The following SPHK1 variants were observed in gnomAD, a reference collection of about 807,000 sequenced individuals.
SPHK1 encodes the protein sphingosine kinase 1.
Under a neutral mutation model 14.6 loss-of-function variants are expected in SPHK1, and 10 were observed. That is an observed-to-expected ratio of 0.68 (90% CI 0.42 to 1.16). The LOEUF (loss-of-function observed/expected upper bound fraction) is 1.16. Among genes scored for constraint, SPHK1 ranks in the 50% most tolerant of loss-of-function variants. The pLI, the probability that SPHK1 is intolerant of heterozygous loss-of-function variation, is 0.00. For missense variants in SPHK1, 553 were observed against 525.4 expected, an observed-to-expected ratio of 1.05 and a Z score of -0.51; for synonymous variants, 274 against 224.0, an observed-to-expected ratio of 1.22 and a Z score of -1.99.
Position 76,385,549 on chromosome 17 carries a change from A to G in SPHK1, c.-96A>G. 1.3e-6 allele frequency: 2 copies of G among 1,540,092 alleles called. No individual in the cohort carries two copies. The highest frequency in any genetic ancestry group is 1.7e-6 in the Non-Finnish European group (2 of 1,149,682). ...CCGGCCCTGCGACGCCCGCCTGGGC[A>G]GCACCGATAAGGAGCTGAAGGCAGG... On this transcript the variant is annotated 5_prime_UTR_variant, in exon 2 of 6. Coordinates refer to ENST00000592299, the MANE Select transcript of SPHK1 (RefSeq NM_001142601.2). This position sits in a 1 kb window ranked among gnomAD's most constrained non-coding sequence, Gnocchi z 5.3.
In SPHK1 at chr17:76,385,902, G is replaced by A; in HGVS notation, c.11-83G>A. ...ATTACCGGGGTGTTTCGGGCACCAA[G>A]TTCCCACACTAGTGCCCCATTGTTA... On this transcript the variant is annotated intron_variant, in intron 2 of 5. Transcript: ENST00000592299. This position sits in a 1 kb window ranked among gnomAD's most constrained non-coding sequence, Gnocchi z 5.3. The A allele has an allele frequency of 4.6e-6, 7 of 1,507,988 alleles. No individual in the cohort carries two copies. Among genetic ancestry groups the A allele is most frequent in the Non-Finnish European group, 6.2e-6 (7 of 1,123,968 alleles). The allele number at this position is 1,507,988 out of a possible 1,614,324, so 93.4% of individuals were successfully genotyped here.
rs781752237 is a variant in SPHK1, at chr17:76,385,753, G to C, written c.10+99G>C. 7.0e-7 allele frequency: 1 copy of C among 1,433,290 alleles called. No homozygotes were observed. The highest frequency in any genetic ancestry group is 9.5e-7 in the Non-Finnish European group (1 of 1,056,254). The allele number at this position is 1,433,290 out of a possible 1,614,324, so 88.8% of individuals were successfully genotyped here. Reference sequence around the variant, plus strand: ...TGGACGAAAGGGGCTGTGGACGATCGGGAGAAACATTATCCCTCACGAGGC... The same window carrying C: ...TGGACGAAAGGGGCTGTGGACGATCCGGAGAAACATTATCCCTCACGAGGC... On this transcript the variant is annotated intron_variant, in intron 2 of 5. Transcript: ENST00000592299. This position sits in a 1 kb window ranked among gnomAD's most constrained non-coding sequence, Gnocchi z 5.3.
Position 76,385,845 on chromosome 17 carries a change from C to T in SPHK1, c.11-140C>T. The T allele has an allele frequency of 6.7e-7, 1 of 1,484,720 alleles. No homozygotes were observed. Among genetic ancestry groups the T allele is most frequent in the Admixed American group, 2.1e-5 (1 of 46,972 alleles). 92.0% of individuals were successfully genotyped at this position (1,484,720 alleles called of 1,614,324 possible). On this transcript the variant is annotated intron_variant, in intron 2 of 5. Transcript: ENST00000592299. This position sits in a 1 kb window ranked among gnomAD's most constrained non-coding sequence, Gnocchi z 5.3. The stretch of plus-strand genomic sequence containing the variant: ...GGCGCCGCGTCCCCACCCCAGGTCT[C>T]CCAGCAAAGGCCGCTCCTCTGGCCA...
rs937121018 is a variant in SPHK1, at chr17:76,385,511, G to A, written c.-134G>A. On this transcript the variant is annotated 5_prime_UTR_variant, in exon 2 of 6. Coordinates refer to ENST00000592299, the MANE Select transcript of SPHK1 (RefSeq NM_001142601.2). The surrounding 1 kb of genome is among the most constrained non-coding windows in gnomAD (Gnocchi z 5.3). Reference sequence around the variant, plus strand: ...GCAGCCACGGCTCCGGGCGGGGAAGGCGAGCCCCACAGCCGGCCCTGCGAC... The same window carrying A: ...GCAGCCACGGCTCCGGGCGGGGAAGACGAGCCCCACAGCCGGCCCTGCGAC... The A allele has an allele frequency of 1.3e-6, 2 of 1,550,914 alleles. No individual in the cohort carries two copies. The highest frequency in any genetic ancestry group is 1.7e-6 in the Non-Finnish European group (2 of 1,155,898).
Position 76,387,165 on chromosome 17 carries a change from TG to T in SPHK1, c.735del (p.Ser247LeufsTer13). 6.2e-7 allele frequency: 1 copy of T among 1,613,240 alleles called. No individual in the cohort carries two copies. Among genetic ancestry groups the T allele is most frequent in the African/African-American group, 1.3e-5 (1 of 75,034 alleles). On this transcript the variant is annotated frameshift_variant, in exon 6 of 6. Transcript: ENST00000592299. LOFTEE classifies it low-confidence loss of function (END_TRUNC). This position sits in a 1 kb window ranked among gnomAD's most constrained non-coding sequence, Gnocchi z 4.1. ...DAHLVPLEEP[V>X]PSHWTVVPDE... ...CACCTTGTGCCACTGGAGGAGCCAG[TG>T]CCCTCTCACTGGACAGTGGTGCCCG...
upstream of SPHK1, chr17:76,384,470 C>G (rs2071923291): frequency 6.7e-6 from 1 of 150,094 alleles, no homozygotes; most frequent in Non-Finnish European, 1.5e-5. Context: ...GGGCGGGAAC[C>G]AGCTCGTGGC....
In SPHK1 at chr17:76,386,624, T is replaced by A; in HGVS notation, c.374+116T>A. 8.2e-7 allele frequency: 1 copy of A among 1,217,000 alleles called. No individual in the cohort carries two copies. 75.4% of individuals were successfully genotyped at this position (1,217,000 alleles called of 1,614,324 possible). A position where few individuals can be genotyped will look rare whatever the true frequency, so the allele number is the denominator to read the frequency against. On this transcript the variant is annotated intron_variant, in intron 5 of 5. Coordinates refer to ENST00000592299, the MANE Select transcript of SPHK1 (RefSeq NM_001142601.2). The surrounding 1 kb of genome is among the most constrained non-coding windows in gnomAD (Gnocchi z 5.3). Reference sequence around the variant, plus strand: ...ATTTCCATTTCCCCTTCTCCCTTAGTCCTGGGGCCCTCTCCTGGTGACCCC... The same window carrying A: ...ATTTCCATTTCCCCTTCTCCCTTAGACCTGGGGCCCTCTCCTGGTGACCCC...
chr17:76,387,480 T>G lies in SPHK1; in HGVS notation c.1049T>G (p.Val350Gly). Residue 350 changes from valine to glycine, a missense_variant, in exon 6 of 6, where the codon GTG (valine) becomes GGG (glycine). Transcript: ENST00000592299. The surrounding 1 kb of genome is among the most constrained non-coding windows in gnomAD (Gnocchi z 4.1). Reference protein sequence around the residue: ...VDGELMVSEAVQGQVHPNYFW... With the variant: ...VDGELMVSEAGQGQVHPNYFW... The stretch of plus-strand genomic sequence containing the variant: ...GGGGAATTGATGGTTAGCGAGGCCG[T>G]GCAGGGCCAGGTGCACCCAAACTAC... The G allele has an allele frequency of 6.2e-7, 1 of 1,613,414 alleles. No individual in the cohort carries two copies. Among genetic ancestry groups the G allele is most frequent in the Non-Finnish European group, 8.5e-7 (1 of 1,179,992 alleles).
In SPHK1 at chr17:76,385,718, A is replaced by G. The variant is rs1408896918; in HGVS notation, c.10+64A>G. ...TCCTGTTCCTCGCCAGGAATGATGG[A>G]ACGCCCAGCTGGACGAAAGGGGCTG... is the stretch of plus-strand genomic sequence containing the variant. On this transcript the variant is annotated intron_variant, in intron 2 of 5. Coordinates refer to ENST00000592299, the MANE Select transcript of SPHK1 (RefSeq NM_001142601.2). This position sits in a 1 kb window ranked among gnomAD's most constrained non-coding sequence, Gnocchi z 5.3. 1 of 1,482,956 alleles carries G rather than the reference A, an allele frequency of 6.7e-7. No homozygotes were observed. 91.9% of individuals were successfully genotyped at this position (1,482,956 alleles called of 1,614,324 possible). A position where few individuals can be genotyped will look rare whatever the true frequency, so the allele number is the denominator to read the frequency against.
rs1162889429 is a variant in SPHK1 at position 76,386,610 on chromosome 17, C to T, written c.374+102C>T. 14 of 1,265,326 alleles carry T rather than the reference C, an allele frequency of 1.1e-5. No individual in the cohort carries two copies. The highest frequency in any genetic ancestry group is 1.3e-5 in the Non-Finnish European group (12 of 920,930). 78.4% of individuals were successfully genotyped at this position (1,265,326 alleles called of 1,614,324 possible). Reference sequence around the variant, plus strand: ...CATAGGCTGAGATCATTTCCATTTCCCCTTCTCCCTTAGTCCTGGGGCCCT... The same window carrying T: ...CATAGGCTGAGATCATTTCCATTTCTCCTTCTCCCTTAGTCCTGGGGCCCT... On this transcript the variant is annotated intron_variant, in intron 5 of 5. Coordinates refer to ENST00000592299, the MANE Select transcript of SPHK1 (RefSeq NM_001142601.2). This position sits in a 1 kb window ranked among gnomAD's most constrained non-coding sequence, Gnocchi z 5.3.
At position 76,387,400 on chromosome 17, in the gene SPHK1, C is replaced by G. The variant is rs775121689; in HGVS notation, c.969C>G (p.Pro323=). The G allele has an allele frequency of 1.2e-6, 2 of 1,613,790 alleles. No homozygotes were observed. The highest frequency in any genetic ancestry group is 1.1e-5 in the South Asian group (1 of 91,082). ...EYECPYLVYV[P]VVAFRLEPKD... is the part of the protein sequence containing the mutation. ...AATGCCCCTACTTGGTATATGTGCC[C>G]GTGGTCGCCTTCCGCTTGGAGCCCA... The change falls in exon 6 of 6, where the codon CCC becomes CCG. Residue 323 remains proline, a synonymous_variant. Transcript: ENST00000592299. This position sits in a 1 kb window ranked among gnomAD's most constrained non-coding sequence, Gnocchi z 4.1.
At position 76,385,741 on chromosome 17, in the gene SPHK1, C is replaced by T; in HGVS notation, c.10+87C>T. 7.0e-7 allele frequency: 1 copy of T among 1,437,288 alleles called. No individual in the cohort carries two copies. Among genetic ancestry groups the T allele is most frequent in the Non-Finnish European group, 9.4e-7 (1 of 1,059,872 alleles). The allele number at this position is 1,437,288 out of a possible 1,614,324, so 89.0% of individuals were successfully genotyped here. A position where few individuals can be genotyped will look rare whatever the true frequency, so the allele number is the denominator to read the frequency against. ...GGAACGCCCAGCTGGACGAAAGGGGCTGTGGACGATCGGGAGAAACATTAT... is the reference window on the plus strand; with the variant it reads ...GGAACGCCCAGCTGGACGAAAGGGGTTGTGGACGATCGGGAGAAACATTAT... On this transcript the variant is annotated intron_variant, in intron 2 of 5. Transcript: ENST00000592299. The surrounding 1 kb of genome is among the most constrained non-coding windows in gnomAD (Gnocchi z 5.3).
chr17:76,384,361 G>C (rs1362131979), upstream of SPHK1: 2 of 150,934 alleles, frequency 1.3e-5, no homozygotes, highest in East Asian at 3.9e-4. Flanking sequence ...CGCGCCTCGC[G>C]GCCTGCCGCC....
chr17:76,383,932 G>A, upstream of SPHK1: 1 of 1,170,634 alleles, frequency 8.5e-7, no homozygotes. Flanking sequence ...CCCCCGGCCT[G>A]TCGCCTGCTC....
Position 76,385,539 on chromosome 17 carries a change from C to T in SPHK1, c.-106C>T, listed in dbSNP as rs2071955071. On this transcript the variant is annotated 5_prime_UTR_variant, in exon 2 of 6. Coordinates refer to ENST00000592299, the MANE Select transcript of SPHK1 (RefSeq NM_001142601.2). The surrounding 1 kb of genome is among the most constrained non-coding windows in gnomAD (Gnocchi z 5.3). ...AGCCCCACAGCCGGCCCTGCGACGC[C>T]CGCCTGGGCAGCACCGATAAGGAGC... 1 of 1,539,792 alleles carries T rather than the reference C, an allele frequency of 6.5e-7. No individual in the cohort carries two copies. Among genetic ancestry groups the T allele is most frequent in the Non-Finnish European group, 8.7e-7 (1 of 1,149,656 alleles).
rs1567821524 is a variant in SPHK1, at chr17:76,384,619, C to A, written c.-382C>A. 1 of 152,260 alleles carries A rather than the reference C, an allele frequency of 6.6e-6. No homozygotes were observed. The highest frequency in any genetic ancestry group is 1.5e-5 in the Non-Finnish European group (1 of 68,142). 9.4% of individuals were successfully genotyped at this position (152,260 alleles called of 1,614,324 possible). On this transcript the variant is annotated 5_prime_UTR_variant, in exon 1 of 6. Transcript: ENST00000592299. ...CCGGCGCCGAGGCTCAGTGCCCTCC[C>A]CGCTCCGCGGCGCCGGCTGCGAAGT...
Position 76,385,419 on chromosome 17 carries a change from G to C in SPHK1, c.-194-32G>C. On this transcript the variant is annotated intron_variant, in intron 1 of 5. Transcript: ENST00000592299. The surrounding 1 kb of genome is among the most constrained non-coding windows in gnomAD (Gnocchi z 5.3). ...CCCCACCTCTGGCAGCTGCGGCCCCGGACTCCGCCAGCGCTGTCTTCTCTC... is the reference window on the plus strand; with the variant it reads ...CCCCACCTCTGGCAGCTGCGGCCCCCGACTCCGCCAGCGCTGTCTTCTCTC... 2.0e-6 allele frequency: 3 copies of C among 1,490,450 alleles called. No homozygotes were observed. The highest frequency in any genetic ancestry group is 2.7e-6 in the Non-Finnish European group (3 of 1,123,762). The allele number at this position is 1,490,450 out of a possible 1,614,324, so 92.3% of individuals were successfully genotyped here. A position where few individuals can be genotyped will look rare whatever the true frequency, so the allele number is the denominator to read the frequency against.
At position 76,385,817 on chromosome 17, in the gene SPHK1, A is replaced by G. The variant is rs1456250802; in HGVS notation, c.10+163A>G. The G allele has an allele frequency of 1.4e-6, 2 of 1,417,108 alleles. No individual in the cohort carries two copies. Among genetic ancestry groups the G allele is most frequent in the Non-Finnish European group, 9.6e-7 (1 of 1,040,384 alleles). 87.8% of individuals were successfully genotyped at this position (1,417,108 alleles called of 1,614,324 possible). A position where few individuals can be genotyped will look rare whatever the true frequency, so the allele number is the denominator to read the frequency against. ...AATCTGAGCCAAGGAAGGGGGTGGC[A>G]GGGGCGCCGCGTCCCCACCCCAGGT... On this transcript the variant is annotated intron_variant, in intron 2 of 5. Coordinates refer to ENST00000592299, the MANE Select transcript of SPHK1 (RefSeq NM_001142601.2). This position sits in a 1 kb window ranked among gnomAD's most constrained non-coding sequence, Gnocchi z 5.3.
Position 76,386,091 on chromosome 17 carries a change from G to GCC in SPHK1, c.120_121dup (p.Leu41ProfsTer12). 1 of 1,603,296 alleles carries GCC rather than the reference G, an allele frequency of 6.2e-7. No individual in the cohort carries two copies. Among genetic ancestry groups the GCC allele is most frequent in the Non-Finnish European group, 8.5e-7 (1 of 1,174,028 alleles). On this transcript the variant is annotated frameshift_variant, in exon 3 of 6. Coordinates refer to ENST00000592299, the MANE Select transcript of SPHK1 (RefSeq NM_001142601.2). LOFTEE classifies it high-confidence loss of function. This position sits in a 1 kb window ranked among gnomAD's most constrained non-coding sequence, Gnocchi z 5.3. ...TGCAGCTCTTCCGGAGTCACGTGCA[G>GCC]CCCCTTTTGGCTGAGGCTGAAATCT...
Sources: gnomAD v4.1 joint callset for allele counts on GRCh38, gnomAD v4.1.1 for gene constraint, Gnocchi (gnomAD v3.1) non-coding constraint, MANE v1.5 for transcripts, NCBI Gene and HGNC (gene_info 2026-07-23, HGNC 2026-07-21) for gene names.